The following NAV2 variants were observed in gnomAD, a reference collection of about 807,000 sequenced individuals.
NAV2 encodes the protein helicase, APC down-regulated 1.
In NAV2, 54 loss-of-function variants were observed where a neutral mutation model predicts 223.2. The observed-to-expected ratio is 0.24, with a 90% CI of 0.19 to 0.30. NAV2 has a LOEUF of 0.30. NAV2 is among the 10% of genes least tolerant of loss of function. NAV2 has a pLI of 1.00. For synonymous variants in NAV2, 1,279 were observed against 1,239.3 expected (o/e 1.03, Z -0.67); for missense variants, 2,806 against 3,147.5 (o/e 0.89, Z 2.60).
chr11:19,386,236 G>A (rs1272797635), intron 1 of NAV2, among the ~76,000 whole-genome samples: 1 of 152,168 alleles, frequency 6.6e-6, no homozygotes, highest in Non-Finnish European at 1.5e-5. Flanking sequence ...AACACAGAAG[G>A]AACAGCTCTG....
intron 1 of NAV2, among the ~76,000 whole-genome samples, chr11:19,732,830 G>T (rs1157164386): frequency 6.6e-6 from 1 of 152,184 alleles, no homozygotes; most frequent in Admixed American, 6.5e-5. Context: ...GGGAGAAAGA[G>T]CATCCTTTAG....
intron 28 of NAV2, among the ~76,000 whole-genome samples, chr11:20,092,816 A>AT (rs1235904459): frequency 1.3e-5 from 2 of 152,192 alleles, no homozygotes; most frequent in East Asian, 3.9e-4. Context: ...TGATGCTTTT[A>AT]TTTTTTATCC....
At chr11:19,739,040 G>A (rs1387579608) in intron 1 of NAV2, among the ~76,000 whole-genome samples, 2 of 152,126 alleles carry the variant, frequency 1.3e-5, no homozygotes, top group African/African-American at 4.8e-5. Context: ...AATTAGCTGG[G>A]CATAGTGGCA....
At chr11:19,453,004 A>G (rs1383440727) in intron 1 of NAV2, among the ~76,000 whole-genome samples, 1 of 152,184 alleles carries the variant, frequency 6.6e-6, no homozygotes, top group Non-Finnish European at 1.5e-5. Context: ...AGGCTCAGAG[A>G]AGTTAAGTAA....
intron 1 of NAV2, among the ~76,000 whole-genome samples, chr11:19,786,539 G>A (rs943985274): frequency 2.0e-5 from 3 of 152,208 alleles, no homozygotes; most frequent in Non-Finnish European, 4.4e-5. Context: ...CTTCATTTGT[G>A]CCTTTAAACA....
At chr11:19,744,125 G>A (rs2053123743) in intron 1 of NAV2, among the ~76,000 whole-genome samples, 1 of 152,202 alleles carries the variant, frequency 6.6e-6, no homozygotes. Context: ...TGAAGAAACT[G>A]AGGCTTACAG....
intron 1 of NAV2, among the ~76,000 whole-genome samples, chr11:19,454,021 G>A (rs1171436562): frequency 4.6e-5 from 7 of 152,280 alleles, no homozygotes; most frequent in Middle Eastern, 3.4e-3. Flanking sequence ...CGCCTTGGAC[G>A]TAGATTCTGC....
Position 20,045,492 on chromosome 11 carries a change from C to G in NAV2, c.3724C>G (p.Leu1242Val). ...EPSKTALGSS[L>V]PGLVNQTDKE... ...TTCCAAAACAGCCCTAGGCAGCTCT[C>G]TACCAGGTCTGGTCAACCAAACAGA... Residue 1242 changes from leucine (L) to valine (V), a missense_variant, in exon 14 of 38, where the codon CTA becomes GTA. Transcript: ENST00000349880. 6.2e-7 allele frequency: 1 copy of G among 1,614,186 alleles called. No homozygotes were observed. The highest frequency in any genetic ancestry group is 1.6e-4 in the Middle Eastern group (1 of 6,062).
At chr11:19,725,839 G>A (rs2051188768) in intron 1 of NAV2, among the ~76,000 whole-genome samples, 1 of 152,188 alleles carries the variant, frequency 6.6e-6, no homozygotes, top group Non-Finnish European at 1.5e-5. Flanking sequence ...CCAAAGAACT[G>A]GAATTCAGTC....
chr11:19,646,726 T>G (rs902414509), intron 1 of NAV2, among the ~76,000 whole-genome samples: 2 of 152,222 alleles, frequency 1.3e-5, no homozygotes, highest in Middle Eastern at 3.4e-3. Flanking sequence ...GCTAGATGCT[T>G]TAAATATAAA....
At chr11:20,104,519 G>C (rs866385433) in intron 34 of NAV2, 12 of 152,470 alleles carry the variant, frequency 7.9e-5, no homozygotes, top group African/African-American at 2.4e-4. Flanking sequence ...CACACTGAGA[G>C]CATGGCTCAC....
chr11:20,075,781 A>AC (rs1167417673), intron 22 of NAV2, among the ~76,000 whole-genome samples: 1 of 80,044 alleles, frequency 1.2e-5, no homozygotes, highest in South Asian at 4.2e-4. Flanking sequence ...CTCCCCACCC[A>AC]CCCCCCATGC....
At chr11:20,047,418 A>G (rs2119981) in intron 14 of NAV2, among the ~76,000 whole-genome samples, 71,016 of 152,042 alleles carry the variant, frequency 0.47, 17,165 homozygotes, top group Non-Finnish European at 0.54. Context: ...ACTCTCTTCA[A>G]ATGATTTCAA....
intron 1 of NAV2, among the ~76,000 whole-genome samples, chr11:19,492,715 C>A (rs1388025051): frequency 6.6e-6 from 1 of 152,130 alleles, no homozygotes; most frequent in Non-Finnish European, 1.5e-5. Flanking sequence ...TATAAAGGCT[C>A]TCCTTTATAA....
chr11:20,090,954 G>A lies in NAV2; in HGVS notation c.5588G>A (p.Arg1863His). The change falls in exon 27 of 38, where the codon CGC becomes CAC. Residue 1863 changes from arginine (R) to histidine (H), a missense_variant. Arg to His is a conservative substitution (Grantham distance 29). This residue lies in a region of NAV2 where 824 missense variants were observed against 1,069.4 expected (regional missense o/e 0.77). Transcript: ENST00000349880. ...AAGGAGATGAAGCTGACGGATATCC[G>A]CTTAGAAGCTCTCAGTTCTGCCCAC... is the stretch of plus-strand genomic sequence containing the variant. ...RDKEMKLTDI[R>H]LEALSSAHQL... The A allele has an allele frequency of 1.2e-6, 2 of 1,613,904 alleles. No individual in the cohort carries two copies. The highest frequency in any genetic ancestry group is 8.5e-7 in the Non-Finnish European group (1 of 1,179,882).
chr11:19,772,909 G>A (rs757727868), intron 1 of NAV2, among the ~76,000 whole-genome samples: 12 of 152,210 alleles, frequency 7.9e-5, no homozygotes, highest in Non-Finnish European at 1.6e-4. Context: ...AATACATTAA[G>A]CCATTAACAG....
intron 1 of NAV2, among the ~76,000 whole-genome samples, chr11:19,604,020 G>C (rs1409361685): frequency 6.6e-6 from 1 of 152,154 alleles, no homozygotes; most frequent in Non-Finnish European, 1.5e-5. Context: ...AGAGCGTGTG[G>C]CTGGGGGAGA....
chr11:19,684,665 C>A (rs534903105), intron 1 of NAV2, among the ~76,000 whole-genome samples: 4 of 152,278 alleles, frequency 2.6e-5, no homozygotes, highest in African/African-American at 9.6e-5. Context: ...GGCCCCCCCA[C>A]ACTGCAAGCC....
chr11:19,923,586 G>C (rs892416506), intron 6 of NAV2, among the ~76,000 whole-genome samples: 30 of 152,192 alleles, frequency 2.0e-4, no homozygotes, highest in Non-Finnish European at 3.7e-4. Context: ...TGGGCTCCTA[G>C]AGGAAGGGGC....
Sources: allele counts gnomAD v4.1 joint callset (sites outside exome capture counted in the v4.1 genomes callset), GRCh38; gene constraint gnomAD v4.1.1; regional missense constraint gnomAD v4.1.1; transcripts MANE v1.5; gene names NCBI Gene and HGNC (gene_info 2026-07-23, HGNC 2026-07-21).